The following PAK5 variants were observed in gnomAD, a reference collection of about 807,000 sequenced individuals.
The protein encoded by PAK5 is p21 (RAC1) activated kinase 5.
In PAK5, 16 loss-of-function variants were observed where a neutral mutation model predicts 65.9. The observed-to-expected ratio is 0.24, with a 90% CI of 0.16 to 0.37. The LOEUF is 0.37. PAK5 is among the 10% of genes least tolerant of loss of function. PAK5 has a pLI of 1.00. For synonymous variants in PAK5, 371 were observed against 354.9 expected (o/e 1.05, Z -0.51); for missense variants, 785 against 903.9 (o/e 0.87, Z 1.69).
intron 1 of PAK5, among the ~76,000 whole-genome samples, chr20:9,831,306 C>G (rs1978698759): frequency 1.3e-5 from 2 of 152,218 alleles, no homozygotes; most frequent in South Asian, 4.1e-4. Context: ...CTAGTAAATT[C>G]CTTTTGCTGG....
intron 1 of PAK5, among the ~76,000 whole-genome samples, chr20:9,835,206 A>G (rs186565063): frequency 1.3e-5 from 2 of 152,348 alleles, no homozygotes; most frequent in Admixed American, 6.5e-5. Flanking sequence ...CACCTTCTGC[A>G]TATAAGACAT....
chr20:9,816,756 T>C (rs13040865), intron 1 of PAK5, among the ~76,000 whole-genome samples: 30,079 of 152,082 alleles, frequency 0.2, 3,625 homozygotes, highest in Admixed American at 0.33. Flanking sequence ...CATAATTATG[T>C]GAGCCAATAC....
At chr20:9,761,810 G>C (rs950962011) in intron 1 of PAK5, among the ~76,000 whole-genome samples, 3 of 148,166 alleles carry the variant, frequency 2.0e-5, no homozygotes, top group African/African-American at 7.5e-5. Flanking sequence ...ATACACACAA[G>C]AATTTTTTTT....
At chr20:9,803,116 G>A (rs997844866) in intron 1 of PAK5, among the ~76,000 whole-genome samples, 6 of 151,484 alleles carry the variant, frequency 4.0e-5, no homozygotes, top group Admixed American at 2.0e-4. Context: ...TTCCGGAAAT[G>A]TTTAGAAAAC....
intron 7 of PAK5, 27 bp downstream of exon 7, chr20:9,557,581 C>A (rs555487843): frequency 1.9e-6 from 3 of 1,582,690 alleles, no homozygotes; most frequent in South Asian, 1.2e-5. Flanking sequence ...AGAAAAACTA[C>A]GAACGGGCCA....
At chr20:9,589,245 T>A (rs2046123055) in intron 3 of PAK5, among the ~76,000 whole-genome samples, 1 of 152,182 alleles carries the variant, frequency 6.6e-6, no homozygotes, top group African/African-American at 2.4e-5. Flanking sequence ...CTATCTAAAT[T>A]CTTACCCTGT....
At chr20:9,710,592 A>T (rs2048066083) in intron 2 of PAK5, among the ~76,000 whole-genome samples, 1 of 152,160 alleles carries the variant, frequency 6.6e-6, no homozygotes, top group Admixed American at 6.6e-5. Context: ...TTATGTGGGT[A>T]AGAGCACCCT....
intron 2 of PAK5, among the ~76,000 whole-genome samples, chr20:9,701,478 T>C (rs1317582454): frequency 1.3e-5 from 2 of 152,152 alleles, no homozygotes; most frequent in Non-Finnish European, 2.9e-5. Context: ...GTGAAAAAGA[T>C]ACTGCACAAG....
At chr20:9,820,535 T>C (rs2049407161) in intron 1 of PAK5, among the ~76,000 whole-genome samples, 1 of 152,232 alleles carries the variant, frequency 6.6e-6, no homozygotes, top group African/African-American at 2.4e-5. Flanking sequence ...GAATTCTTAT[T>C]GAATTCATTT....
At chr20:9,731,351 T>C (rs923353816) in intron 1 of PAK5, among the ~76,000 whole-genome samples, 5 of 152,232 alleles carry the variant, frequency 3.3e-5, no homozygotes, top group Non-Finnish European at 5.9e-5. Context: ...AATATCACCA[T>C]TTCAGCATGT....
At chr20:9,743,912 C>G (rs936811274) in intron 1 of PAK5, among the ~76,000 whole-genome samples, 6 of 152,114 alleles carry the variant, frequency 3.9e-5, no homozygotes, top group Admixed American at 6.5e-5. Flanking sequence ...GGAGATAATC[C>G]TGGATTATCC....
chr20:9,712,687 C>G (rs2048092449), intron 1 of PAK5, among the ~76,000 whole-genome samples: 1 of 152,022 alleles, frequency 6.6e-6, no homozygotes, highest in Admixed American at 6.6e-5. Flanking sequence ...ATGAATAGAA[C>G]AGAATAAAGG....
intron 1 of PAK5, among the ~76,000 whole-genome samples, chr20:9,713,085 A>G (rs1274137547): frequency 6.6e-6 from 1 of 152,182 alleles, no homozygotes; most frequent in African/African-American, 2.4e-5. Context: ...GAGACAATCT[A>G]CAGTATGAGA....
At chr20:9,583,444 C>T (rs1413901840) in intron 3 of PAK5, among the ~76,000 whole-genome samples, 1 of 152,200 alleles carries the variant, frequency 6.6e-6, no homozygotes, top group Non-Finnish European at 1.5e-5. Flanking sequence ...AAGTCCAGTT[C>T]TTTAAAATTC....
At chr20:9,812,659 G>A (rs2143258) in intron 1 of PAK5, among the ~76,000 whole-genome samples, 23,086 of 152,056 alleles carry the variant, frequency 0.15, 2,029 homozygotes, top group East Asian at 0.37. Context: ...TTTCTAATAG[G>A]CAAAAGTTAG....
rs185533484 is a variant in PAK5, at chr20:9,538,924, A to G, written c.*538T>C. ...TAAAAAAGTAGGAAAGGCTTTGTTC[A>G]AACTCCTCTAGTAAACAAGTATTAC... On this transcript the variant is annotated 3_prime_UTR_variant, in exon 10 of 10. Coordinates refer to ENST00000353224, the MANE Select transcript of PAK5 (RefSeq NM_177990.4). 703 of 233,306 alleles carry G rather than the reference A, an allele frequency of 3.0e-3. 1 individual carries two copies. The highest frequency in any genetic ancestry group is 4.3e-3 in the Non-Finnish European group (501 of 117,856). The allele number at this position is 233,306 out of a possible 1,614,324, so 14.5% of individuals were successfully genotyped here.
intron 2 of PAK5, among the ~76,000 whole-genome samples, chr20:9,677,306 C>G (rs2047588405): frequency 6.6e-6 from 1 of 152,150 alleles, no homozygotes; most frequent in Non-Finnish European, 1.5e-5. Flanking sequence ...TTCTGCACTC[C>G]AGCCTCGGCA....
rs556827455 is a variant in PAK5, at chr20:9,734,125, C to G, written c.-161-22690G>C. 3.0e-4 allele frequency among the ~76,000 whole-genome samples: 45 copies of G among 152,264 alleles called. No homozygotes were observed. The South Asian group carries it at 7.9e-3, about 27-fold the overall frequency. ...AATAGGTGAATTTATCCTGTTAACTCTACTGTGGGCTTGAAGTTGATCTCA... is the reference window on the plus strand; with the variant it reads ...AATAGGTGAATTTATCCTGTTAACTGTACTGTGGGCTTGAAGTTGATCTCA... On this transcript the variant is annotated intron_variant, in intron 1 of 9. Coordinates refer to ENST00000353224, the MANE Select transcript of PAK5 (RefSeq NM_177990.4).
chr20:9,551,478 G>A (rs539752445), intron 7 of PAK5, among the ~76,000 whole-genome samples: 6 of 152,274 alleles, frequency 3.9e-5, no homozygotes, highest in African/African-American at 1.4e-4. Flanking sequence ...ACGTGTCCTG[G>A]CCAGGAATCA....
Sources: allele counts gnomAD v4.1 joint callset (sites outside exome capture counted in the v4.1 genomes callset), GRCh38; gene constraint gnomAD v4.1.1; transcripts MANE v1.5; gene names NCBI Gene and HGNC (gene_info 2026-07-23, HGNC 2026-07-21).